The following SNX31 variants were observed in gnomAD, a reference collection of about 807,000 sequenced individuals.
SNX31 encodes sorting nexin-31.
A neutral mutation model predicts 65.4 loss-of-function variants in SNX31; 58 were observed. That is an observed-to-expected ratio of 0.89 (90% CI 0.72 to 1.10). SNX31 has a LOEUF of 1.10. Ranked by LOEUF, SNX31 falls within the 50% of genes least tolerant of loss-of-function variation. The pLI is 0.00. For missense variants in SNX31, 523 were observed against 529.7 expected, an observed-to-expected ratio of 0.99 and a Z score of 0.12; for synonymous variants, 181 against 190.1, an observed-to-expected ratio of 0.95 and a Z score of 0.39.
intron 3 of SNX31, among the ~76,000 whole-genome samples, chr8:100,634,008 G>A (rs562244320): frequency 6.6e-6 from 1 of 152,262 alleles, no homozygotes; most frequent in Non-Finnish European, 1.5e-5. Context: ...GGGGTGGAAA[G>A]GGAACTTACC....
chr8:100,654,173 A>AT (rs1345666287), upstream of SNX31, among the ~76,000 whole-genome samples: 3 of 151,490 alleles, frequency 2.0e-5, no homozygotes, highest in African/African-American at 4.9e-5. Flanking sequence ...CACCCGGCTA[A>AT]TTTTTTAATT....
At chr8:100,615,954 TC>T (rs1177622780) in intron 5 of SNX31, among the ~76,000 whole-genome samples, 3 of 151,948 alleles carry the variant, frequency 2.0e-5, no homozygotes, top group Admixed American at 1.3e-4. Context: ...TTTGTATTTT[TC>T]AGTAGAGATG....
At chr8:100,652,726 T>C (rs1369856824), upstream of SNX31, among the ~76,000 whole-genome samples, 1 of 152,138 alleles carries the variant, frequency 6.6e-6, no homozygotes, top group East Asian at 1.9e-4. Context: ...GGCTCTGTCT[T>C]GTTCTGGAAC....
Position 100,648,322 on chromosome 8 carries a change from C to CTTTTT in SNX31, c.141+947_141+951dup, listed in dbSNP as rs33988254. Among the ~76,000 whole-genome samples the CTTTTT allele has an allele frequency of 6.2e-4, 82 of 131,402 alleles. 4 individuals are homozygous for CTTTTT. Among genetic ancestry groups the CTTTTT allele is most frequent in the Non-Finnish European group, 1.0e-3 (64 of 62,892 alleles). The allele number at this position is 131,402 out of a possible 152,430, so 86.2% of individuals were successfully genotyped here. A position where few individuals can be genotyped will look rare whatever the true frequency, so the allele number is the denominator to read the frequency against. On this transcript the variant is annotated intron_variant, in intron 2 of 13. Coordinates refer to ENST00000311812, the MANE Select transcript of SNX31 (RefSeq NM_152628.4). This position sits in a 1 kb window ranked among gnomAD's most constrained non-coding sequence, Gnocchi z 4.3. ...GAAAGTTTTTTCAGTTTTCTCTACA[C>CTTTTT]TTTTTTTTTTTTTTTTTTTAATAGA...
chr8:100,618,708 C>A (rs1817450337), intron 4 of SNX31: 1 of 289,690 alleles, frequency 3.5e-6, no homozygotes, highest in Admixed American at 4.9e-5. Context: ...CTATTACTGG[C>A]TTATTATAAA....
rs1417928315 is a variant in SNX31, at chr8:100,629,102, C to A, written c.321+1225G>T. Reference sequence around the variant, plus strand: ...CAAAATCGCCTAATGATGCATTTATCAGAACGAATCCACATTTTTAAGTGA... The same window carrying A: ...CAAAATCGCCTAATGATGCATTTATAAGAACGAATCCACATTTTTAAGTGA... On this transcript the variant is annotated intron_variant, in intron 4 of 13. Transcript: ENST00000311812. This position sits in a 1 kb window ranked among gnomAD's most constrained non-coding sequence, Gnocchi z 5.1. 1.3e-5 allele frequency among the ~76,000 whole-genome samples: 2 copies of A among 151,960 alleles called. No homozygotes were observed. Among genetic ancestry groups the A allele is most frequent in the Admixed American group, 6.6e-5 (1 of 15,260 alleles).
chr8:100,634,901 T>A (rs7006703), intron 3 of SNX31, among the ~76,000 whole-genome samples: 44,443 of 148,626 alleles, frequency 0.3, 7,897 homozygotes, highest in African/African-American at 0.5. Flanking sequence ...GTAAAAAAAA[T>A]TTTTTTTTTT....
chr8:100,650,507 C>T (rs976937430), upstream of SNX31, among the ~76,000 whole-genome samples: 2 of 152,192 alleles, frequency 1.3e-5, no homozygotes, highest in African/African-American at 2.4e-5. Flanking sequence ...CATTGAAAGT[C>T]CTTTCAAATG....
chr8:100,591,287 T>C (rs936391626), intron 10 of SNX31, among the ~76,000 whole-genome samples: 4 of 152,088 alleles, frequency 2.6e-5, no homozygotes, highest in African/African-American at 9.7e-5. Context: ...GCTCTAAGAA[T>C]GGCAGCTAAG....
intron 10 of SNX31, among the ~76,000 whole-genome samples, chr8:100,595,745 G>A (rs1021425294): frequency 1.3e-5 from 2 of 152,172 alleles, no homozygotes; most frequent in Non-Finnish European, 2.9e-5. Context: ...CTGCTTCAGG[G>A]AAAGGCTGCG....
chr8:100,595,230 GAGA>G (rs1222496392), intron 10 of SNX31, among the ~76,000 whole-genome samples: 2 of 151,972 alleles, frequency 1.3e-5, no homozygotes, highest in African/African-American at 4.8e-5. Flanking sequence ...GTGGTGTAGG[GAGA>G]AGAATTAGGA....
Position 100,660,446 on chromosome 8 carries a change from T to C in SNX31, c.-58+2696A>G, listed in dbSNP as rs1350760916. Among the ~76,000 whole-genome samples the C allele has an allele frequency of 6.6e-6, 1 of 152,210 alleles. No homozygotes were observed. The highest frequency in any genetic ancestry group is 1.5e-5 in the Non-Finnish European group (1 of 68,038). ...AGTTATCAGCCACTAATGTATGCTG[T>C]TTCCTGTAAAGACAATGTTTTACCC... On this transcript the variant is annotated intron_variant, in intron 1 of 5. Coordinates refer to the SNX31 transcript ENST00000520352. This position sits in a 1 kb window ranked among gnomAD's most constrained non-coding sequence, Gnocchi z 4.1.
intron 2 of SNX31, among the ~76,000 whole-genome samples, chr8:100,642,281 C>T (rs998730562): frequency 6.6e-6 from 1 of 152,136 alleles, no homozygotes; most frequent in Non-Finnish European, 1.5e-5. Flanking sequence ...TCTTTGCATG[C>T]AATTATTTCT....
At chr8:100,589,184 C>T (rs1814343709) in intron 10 of SNX31, among the ~76,000 whole-genome samples, 1 of 151,770 alleles carries the variant, frequency 6.6e-6, no homozygotes. Context: ...GCCTGTAATC[C>T]CAGCTACTTG....
chr8:100,581,337 CTATATA>C (rs57664831), intron 12 of SNX31, among the ~76,000 whole-genome samples: 1 of 125,466 alleles, frequency 8.0e-6, no homozygotes, highest in African/African-American at 3.1e-5. Context: ...ATCTATCTAT[CTATATA>C]TATATATATA....
chr8:100,578,878 T>C lies in SNX31; in HGVS notation c.1171-1803A>G, dbSNP rs1813270566. 6.6e-6 allele frequency among the ~76,000 whole-genome samples: 1 copy of C among 152,018 alleles called. No individual in the cohort carries two copies. Among genetic ancestry groups the C allele is most frequent in the Admixed American group, 6.6e-5 (1 of 15,256 alleles). On this transcript the variant is annotated intron_variant, in intron 12 of 13. Transcript: ENST00000311812. This position sits in a 1 kb window ranked among gnomAD's most constrained non-coding sequence, Gnocchi z 4.7. ...CTAGGAATACAGGTACGCGCCACCA[T>C]GCCCATCTAATTTTTGTATTTTTGG...
chr8:100,591,164 G>A lies in SNX31; in HGVS notation c.979-2185C>T, dbSNP rs556952415. 3.3e-5 allele frequency among the ~76,000 whole-genome samples: 5 copies of A among 152,292 alleles called. No individual in the cohort carries two copies. The South Asian group carries it at 6.2e-4, about 19-fold the overall frequency. ...GTAAACCTACATGAGGCTGGGGAAA[G>A]AACATCTGGAAAGCAGTAGGTTGGA... is the stretch of plus-strand genomic sequence containing the variant. On this transcript the variant is annotated intron_variant, in intron 10 of 13. Coordinates refer to ENST00000311812, the MANE Select transcript of SNX31 (RefSeq NM_152628.4).
chr8:100,652,159 T>C (rs565492800), upstream of SNX31, among the ~76,000 whole-genome samples: 17 of 152,116 alleles, frequency 1.1e-4, no homozygotes, highest in Non-Finnish European at 2.4e-4. Flanking sequence ...TTTGTATTTT[T>C]AGTAGAGACG....
chr8:100,638,841 T>G (rs1259125059), intron 2 of SNX31, among the ~76,000 whole-genome samples: 1 of 152,134 alleles, frequency 6.6e-6, no homozygotes, highest in Non-Finnish European at 1.5e-5. Context: ...CTGTGATATA[T>G]CCATACAATG....
Sources: gnomAD v4.1 joint callset for allele counts (sites outside exome capture counted in the v4.1 genomes callset) on GRCh38, gnomAD v4.1.1 for gene constraint, Gnocchi (gnomAD v3.1) non-coding constraint, MANE v1.5 for transcripts, NCBI Gene and HGNC (gene_info 2026-07-23, HGNC 2026-07-21) for gene names.